ARHGAP15: variants seen among roughly 807,000 people sequenced by gnomAD.
ARHGAP15 encodes rho GTPase-activating protein 15.
ARHGAP15 carries 51 observed loss-of-function variants against 63.7 expected under a neutral mutation model. The observed-to-expected ratio is 0.80, with a 90% CI of 0.64 to 1.01. The LOEUF is 1.01. Ranked by LOEUF, ARHGAP15 falls within the 50% of genes least tolerant of loss-of-function variation. The pLI is 0.00. For synonymous variants in ARHGAP15, 191 were observed against 193.8 expected (o/e 0.99, Z 0.12); for missense variants, 560 against 564.6 (o/e 0.99, Z 0.08).
At chr2:143,186,145 G>T (rs1178274191) in intron 2 of ARHGAP15, among the ~76,000 whole-genome samples, 1 of 152,130 alleles carries the variant, frequency 6.6e-6, no homozygotes, top group Non-Finnish European at 1.5e-5. Context: ...CATAAAATTA[G>T]TGGTAAAGCC....
intron 6 of ARHGAP15, among the ~76,000 whole-genome samples, chr2:143,317,560 C>T (rs1189129225): frequency 3.9e-5 from 6 of 152,182 alleles, no homozygotes; most frequent in African/African-American, 1.4e-4. Flanking sequence ...AGCTTTAGGG[C>T]TGAAATATCT....
intron 12 of ARHGAP15, among the ~76,000 whole-genome samples, chr2:143,640,463 T>C (rs955105895): frequency 1.4e-4 from 21 of 152,148 alleles, no homozygotes; most frequent in African/African-American, 4.8e-4. Context: ...AGGTGGACTC[T>C]AGTATTCACA....
chr2:143,717,065 G>C (rs749426788), intron 13 of ARHGAP15, among the ~76,000 whole-genome samples: 2 of 152,192 alleles, frequency 1.3e-5, no homozygotes, highest in Non-Finnish European at 2.9e-5. Context: ...ATTAATGCTT[G>C]TGTGTGTGCA....
chr2:143,407,987 G>GTGTATA lies in ARHGAP15; in HGVS notation c.475-27613_475-27612insGTATAT, dbSNP rs1357709703. On this transcript the variant is annotated intron_variant, in intron 6 of 13. Transcript: ENST00000295095. ...TTTTTAAAGTCTGACTTCTGTGTGT[G>GTGTATA]TATATATATATATATATATATATAT... Among the ~76,000 whole-genome samples the GTGTATA allele has an allele frequency of 1.4e-3, 110 of 77,234 alleles. 1 individual carries two copies. Among genetic ancestry groups the GTGTATA allele is most frequent in the Non-Finnish European group, 1.8e-3 (62 of 34,828 alleles). 50.7% of individuals were successfully genotyped at this position (77,234 alleles called of 152,430 possible). A position where few individuals can be genotyped will look rare whatever the true frequency, so the allele number is the denominator to read the frequency against.
intron 2 of ARHGAP15, among the ~76,000 whole-genome samples, chr2:143,161,501 G>C (rs1316477950): frequency 1.3e-5 from 2 of 151,756 alleles, no homozygotes; most frequent in African/African-American, 4.8e-5. Flanking sequence ...CTTTGAATTT[G>C]CTGACAACTA....
At chr2:143,385,843 T>G (rs1687266751) in intron 6 of ARHGAP15, among the ~76,000 whole-genome samples, 3 of 152,188 alleles carry the variant, frequency 2.0e-5, no homozygotes, top group Non-Finnish European at 4.4e-5. Context: ...TTTAGGTTCT[T>G]TGATTCATAT....
At chr2:143,187,179 T>G (rs531438085) in intron 2 of ARHGAP15, among the ~76,000 whole-genome samples, 10 of 152,236 alleles carry the variant, frequency 6.6e-5, no homozygotes, top group African/African-American at 1.9e-4. Flanking sequence ...CGAAAGCAAA[T>G]GTAAGCATTT....
intron 12 of ARHGAP15, among the ~76,000 whole-genome samples, chr2:143,653,181 T>C (rs1681260443): frequency 6.6e-6 from 1 of 152,124 alleles, no homozygotes; most frequent in East Asian, 1.9e-4. Flanking sequence ...ACTACATTGA[T>C]AGATTTTTAA....
intron 11 of ARHGAP15, chr2:143,587,652 G>A (rs1473413111): frequency 6.5e-6 from 3 of 458,206 alleles, no homozygotes; most frequent in Non-Finnish European, 1.4e-5. Flanking sequence ...GAAGGATGAG[G>A]ACCTTCCTTT....
chr2:143,525,964 T>C (rs574832793), intron 10 of ARHGAP15, among the ~76,000 whole-genome samples: 25 of 152,258 alleles, frequency 1.6e-4, no homozygotes, highest in African/African-American at 6.0e-4. Context: ...GAAGACAAAC[T>C]AGTGAAAACA....
chr2:143,722,971 C>A (rs982438264), intron 13 of ARHGAP15, among the ~76,000 whole-genome samples: 1 of 152,196 alleles, frequency 6.6e-6, no homozygotes, highest in African/African-American at 2.4e-5. Context: ...TACAGTCACA[C>A]ACCACATAAT....
chr2:143,557,675 C>T (rs540327947), intron 11 of ARHGAP15, among the ~76,000 whole-genome samples: 149 of 152,078 alleles, frequency 9.8e-4, no homozygotes, highest in African/African-American at 3.6e-3. Context: ...ACAATCTACC[C>T]CATTAATGCA....
chr2:143,279,961 G>T (rs1259587703), intron 6 of ARHGAP15, among the ~76,000 whole-genome samples: 1 of 152,128 alleles, frequency 6.6e-6, no homozygotes, highest in Non-Finnish European at 1.5e-5. Flanking sequence ...GGAGATCTTG[G>T]GAGAGCTTGG....
chr2:143,264,569 G>T (rs1194847850), intron 6 of ARHGAP15, among the ~76,000 whole-genome samples: 1 of 151,956 alleles, frequency 6.6e-6, no homozygotes, highest in African/African-American at 2.4e-5. Flanking sequence ...TACTCCTATT[G>T]TCCAATCTAC....
chr2:143,197,192 CA>C (rs903602852), intron 2 of ARHGAP15, among the ~76,000 whole-genome samples: 11 of 151,828 alleles, frequency 7.2e-5, no homozygotes, highest in African/African-American at 2.4e-4. Flanking sequence ...GATTTTATAA[CA>C]CAAACAAACA....
At chr2:143,375,035 A>G (rs1271042004) in intron 6 of ARHGAP15, among the ~76,000 whole-genome samples, 1 of 152,234 alleles carries the variant, frequency 6.6e-6, no homozygotes, top group Non-Finnish European at 1.5e-5. Flanking sequence ...CAATGAAAAA[A>G]TAAGAGGTTA....
At chr2:143,580,393 G>A (rs1278812916) in intron 11 of ARHGAP15, among the ~76,000 whole-genome samples, 3 of 152,094 alleles carry the variant, frequency 2.0e-5, no homozygotes, top group Admixed American at 6.6e-5. Flanking sequence ...TCCAGCCCAC[G>A]CCCAACACGA....
intron 9 of ARHGAP15, among the ~76,000 whole-genome samples, chr2:143,512,908 G>A (rs372524799): frequency 1.3e-5 from 2 of 152,222 alleles, no homozygotes; most frequent in African/African-American, 4.8e-5. Flanking sequence ...GGGTTTAAGT[G>A]TAGGCAGCCT....
At chr2:143,401,515 TA>T (rs780281364) in intron 6 of ARHGAP15, among the ~76,000 whole-genome samples, 1 of 152,028 alleles carries the variant, frequency 6.6e-6, no homozygotes, top group Non-Finnish European at 1.5e-5. Flanking sequence ...CAAATATTTC[TA>T]AAAAATGAAT....
Sources: gnomAD v4.1 joint callset for allele counts (sites outside exome capture counted in the v4.1 genomes callset) on GRCh38, gnomAD v4.1.1 for gene constraint, MANE v1.5 for transcripts, NCBI Gene and HGNC (gene_info 2026-07-23, HGNC 2026-07-21) for gene names.